The following PDE1C variants were observed in gnomAD, a reference collection of about 807,000 sequenced individuals.
The protein encoded by PDE1C is dual specificity calcium/calmodulin-dependent 3',5'-cyclic nucleotide phosphodiesterase 1C.
A neutral mutation model predicts 93.1 loss-of-function variants in PDE1C; 62 were observed. The ratio of observed to expected loss-of-function variants is 0.67; its 90% CI spans 0.54 to 0.82. The LOEUF (loss-of-function observed/expected upper bound fraction) is 0.82. PDE1C is among the 40% of genes least tolerant of loss of function. The pLI, the probability that PDE1C is intolerant of heterozygous loss-of-function variation, is 0.00. For synonymous variants in PDE1C, 325 were observed against 310.1 expected (o/e 1.05, Z -0.50); for missense variants, 742 against 884.6 (o/e 0.84, Z 2.04).
intron 14 of PDE1C, among the ~76,000 whole-genome samples, chr7:31,818,583 T>C (rs1263642300): frequency 6.6e-6 from 1 of 152,160 alleles, no homozygotes; most frequent in Non-Finnish European, 1.5e-5. Flanking sequence ...AGGCATAAAA[T>C]ACAGAAAGTA....
chr7:32,282,485 A>AATAAGATAGATAGATAGATAGATAG (rs1811712539), intron 1 of PDE1C, among the ~76,000 whole-genome samples: 1 of 143,860 alleles, frequency 7.0e-6, no homozygotes, highest in Non-Finnish European at 1.5e-5. Context: ...TCAAAAAAAA[A>AATAAGATAGATAGATAGATAGATAG]ATAGATAGAT....
chr7:31,759,789 A>C (rs1214303121), intron 17 of PDE1C, among the ~76,000 whole-genome samples: 1 of 152,162 alleles, frequency 6.6e-6, no homozygotes, highest in Non-Finnish European at 1.5e-5. Context: ...TTTTTCATAA[A>C]TATAACAATT....
At chr7:31,709,747 T>A in the PDE1C span, among the ~76,000 whole-genome samples, 1 of 152,198 alleles carries the variant, frequency 6.6e-6, no homozygotes, top group Admixed American at 6.5e-5. Flanking sequence ...CCCTGAGGAC[T>A]TTTTCTGGCC....
chr7:31,900,765 T>A (rs1040109552), intron 2 of PDE1C, among the ~76,000 whole-genome samples: 1 of 151,840 alleles, frequency 6.6e-6, no homozygotes, highest in South Asian at 2.1e-4. Context: ...TGTTTCAGAG[T>A]GTGGTTTTCA....
intron 3 of PDE1C, among the ~76,000 whole-genome samples, chr7:32,157,677 C>A (rs751688690): frequency 5.9e-5 from 9 of 151,924 alleles, no homozygotes; most frequent in Admixed American, 1.3e-4. Flanking sequence ...AAGGAAATGA[C>A]CTTATTCTTA....
At chr7:31,626,011 A>G in the PDE1C span, among the ~76,000 whole-genome samples, 1 of 152,210 alleles carries the variant, frequency 6.6e-6, no homozygotes, top group African/African-American at 2.4e-5. Flanking sequence ...AAAAAACTTT[A>G]TGACTAACTC....
intron 1 of PDE1C, among the ~76,000 whole-genome samples, chr7:32,059,743 T>C (rs933908327): frequency 6.6e-6 from 1 of 152,196 alleles, no homozygotes. Flanking sequence ...AAAAGCCTTT[T>C]GCTCAAAGCT....
intron 16 of PDE1C, chr7:31,787,193 A>G (rs1784092415): frequency 6.6e-6 from 1 of 152,218 alleles, no homozygotes; most frequent in Admixed American, 6.5e-5. Context: ...AATTCTACAA[A>G]TGAATGAACA....
intron 16 of PDE1C, among the ~76,000 whole-genome samples, chr7:31,797,332 T>C (rs1226176710): frequency 6.6e-6 from 1 of 151,762 alleles, no homozygotes; most frequent in Non-Finnish European, 1.5e-5. Context: ...TGTCACTACA[T>C]AGAAGGCTGC....
At chr7:32,419,765 C>G (rs1290530166) in intron 1 of PDE1C, among the ~76,000 whole-genome samples, 1 of 151,882 alleles carries the variant, frequency 6.6e-6, no homozygotes, top group Non-Finnish European at 1.5e-5. Context: ...CTCTTGCGCT[C>G]TTGGTGCTTG....
chr7:31,619,128 T>C, the PDE1C span, among the ~76,000 whole-genome samples: 1 of 152,350 alleles, frequency 6.6e-6, no homozygotes, highest in East Asian at 1.9e-4. Flanking sequence ...TCACAACATT[T>C]CATTAGTCTT....
At chr7:31,993,000 T>C (rs1784321129) in intron 2 of PDE1C, among the ~76,000 whole-genome samples, 1 of 152,238 alleles carries the variant, frequency 6.6e-6, no homozygotes, top group Non-Finnish European at 1.5e-5. Flanking sequence ...GGGTATTGTC[T>C]AGAATAATTA....
At chr7:32,349,900 T>C (rs1322959995) in intron 1 of PDE1C, among the ~76,000 whole-genome samples, 1 of 152,220 alleles carries the variant, frequency 6.6e-6, no homozygotes, top group Non-Finnish European at 1.5e-5. Flanking sequence ...AGTGCTGGGA[T>C]TACAGGCGTG....
intron 1 of PDE1C, among the ~76,000 whole-genome samples, chr7:32,236,017 T>C (rs1265491576): frequency 2.0e-5 from 3 of 152,044 alleles, no homozygotes; most frequent in Non-Finnish European, 4.4e-5. Flanking sequence ...TTTTTGACAA[T>C]TGCAAAGCAC....
intron 1 of PDE1C, among the ~76,000 whole-genome samples, chr7:32,227,199 G>A (rs1201197515): frequency 6.6e-6 from 1 of 152,116 alleles, no homozygotes; most frequent in Non-Finnish European, 1.5e-5. Flanking sequence ...ACAGTTTGGG[G>A]AGAAGTTATG....
intron 16 of PDE1C, among the ~76,000 whole-genome samples, chr7:31,801,372 T>C (rs535553754): frequency 6.6e-6 from 1 of 151,532 alleles, no homozygotes; most frequent in Admixed American, 6.6e-5. Flanking sequence ...CATGAACATA[T>C]TTGTTTGCCT....
chr7:32,001,475 C>T (rs1785443052), intron 2 of PDE1C, among the ~76,000 whole-genome samples: 1 of 152,086 alleles, frequency 6.6e-6, no homozygotes, highest in Non-Finnish European at 1.5e-5. Flanking sequence ...TGAGATCTTC[C>T]CTGTGAGGCT....
At chr7:31,955,479 C>T (rs1808001005) in intron 2 of PDE1C, among the ~76,000 whole-genome samples, 1 of 152,106 alleles carries the variant, frequency 6.6e-6, no homozygotes, top group Non-Finnish European at 1.5e-5. Flanking sequence ...TTATAAAGAA[C>T]TTAAAAAGTT....
chr7:31,888,562 A>G (rs977046504), intron 2 of PDE1C, among the ~76,000 whole-genome samples: 15 of 152,148 alleles, frequency 9.9e-5, no homozygotes, highest in African/African-American at 3.6e-4. Flanking sequence ...GGACATTTAG[A>G]AAGGTAAAAG....
Sources: gnomAD v4.1 joint callset for allele counts (sites outside exome capture counted in the v4.1 genomes callset) on GRCh38, gnomAD v4.1.1 for gene constraint, MANE v1.5 for transcripts, NCBI Gene and HGNC (gene_info 2026-07-23, HGNC 2026-07-21) for gene names.